Variants in CCDC51 observed in about 807,000 individuals in gnomAD.
CCDC51 encodes coiled-coil domain containing 51.
In CCDC51, 25 loss-of-function variants were observed where a neutral mutation model predicts 24.8. The ratio of observed to expected loss-of-function variants is 1.01; its 90% confidence interval spans 0.73 to 1.41. CCDC51 has a LOEUF of 1.41. Ranked by LOEUF, CCDC51 falls within the 40% of genes most tolerant of loss-of-function variation. The probability of loss-of-function intolerance (pLI) is 0.00; values close to 1 mark genes in which losing one functional copy is unlikely to be tolerated. For synonymous variants in CCDC51, 190 were observed against 204.3 expected, an observed-to-expected ratio of 0.93 and a Z score of 0.60; for missense variants, 466 against 519.1, an observed-to-expected ratio of 0.90 and a Z score of 0.99.
At chr3:48,440,496 C>T (rs780409707), upstream of CCDC51, 3 of 1,598,042 alleles carry the variant, frequency 1.9e-6, no homozygotes, top group Non-Finnish European at 2.6e-6. Flanking sequence ...GGTGCGGGGG[C>T]GCTGGGAGAC....
upstream of CCDC51, chr3:48,443,853 G>C (rs375127083): frequency 4.5e-6 from 7 of 1,559,810 alleles, no homozygotes; most frequent in Non-Finnish European, 6.0e-6. Flanking sequence ...TGCAGCCACA[G>C]GTGGAATTAA....
At chr3:48,443,492 C>T (rs572667628), upstream of CCDC51, among the ~76,000 whole-genome samples, 30 of 151,766 alleles carry the variant, frequency 2.0e-4, no homozygotes, top group Non-Finnish European at 3.8e-4. Context: ...TGAGATCGTG[C>T]CACTGCACTG....
Position 48,432,413 on chromosome 3 carries a change from T to C in CCDC51, c.1231A>G (p.Ser411Gly). The change falls in exon 4 of 4, where the codon AGC becomes GGC. Residue 411 changes from serine (S) to glycine (G), a missense_variant. Ser to Gly is a moderately conservative substitution (Grantham distance 56, BLOSUM62 0). Transcript: ENST00000395694. Reference sequence around the variant, plus strand: ...TCTGGAGGAGGGGCCAGGGGTTAGCTGGCTTTGAATAGCATGTAGAGCACA... The same window carrying C: ...TCTGGAGGAGGGGCCAGGGGTTAGCCGGCTTTGAATAGCATGTAGAGCACA... The part of the protein sequence containing the change: ...LPVLYMLFKA[S>G] The C allele has an allele frequency of 1.2e-6, 2 of 1,613,944 alleles. No individual in the cohort carries two copies. The highest frequency in any genetic ancestry group is 1.1e-5 in the South Asian group (1 of 91,088).
upstream of CCDC51, chr3:48,440,330 G>A (rs938660578): frequency 1.2e-6 from 2 of 1,611,682 alleles, no homozygotes; most frequent in Non-Finnish European, 1.7e-6. Context: ...TTCCGGAACC[G>A]TGAGGACTGC....
At chr3:48,440,695 G>C, upstream of CCDC51, 1 of 1,442,608 alleles carries the variant, frequency 6.9e-7, no homozygotes, top group Non-Finnish European at 9.6e-7. Flanking sequence ...ATGAGGGCGC[G>C]GGCATGTCTT....
At chr3:48,446,284 C>G in the CCDC51 span, 2 of 152,368 alleles carry the variant, frequency 1.3e-5, no homozygotes, top group Non-Finnish European at 2.9e-5. Context: ...GTGAAACATT[C>G]ACTAAACCCG....
At position 48,433,255 on chromosome 3, in the gene CCDC51, C is replaced by A; in HGVS notation, c.478-89G>T. 1 of 1,279,376 alleles carries A rather than the reference C, an allele frequency of 7.8e-7. No homozygotes were observed. Among genetic ancestry groups the A allele is most frequent in the Admixed American group, 2.0e-5 (1 of 51,098 alleles). 79.3% of individuals were successfully genotyped at this position (1,279,376 alleles called of 1,614,324 possible). A position where few individuals can be genotyped will look rare whatever the true frequency, so the allele number is the denominator to read the frequency against. On this transcript the variant is annotated intron_variant, in intron 3 of 3. Transcript: ENST00000395694. The surrounding 1 kb of genome is among the most constrained non-coding windows in gnomAD (Gnocchi z 4.4). ...CCAGCAGATGGCTCACTACCTTGTG[C>A]CTGGCAGAGTACATGTTCCATAGAC...
chr3:48,445,708 CA>C, the CCDC51 span, among the ~76,000 whole-genome samples: 1 of 152,194 alleles, frequency 6.6e-6, no homozygotes, highest in African/African-American at 2.4e-5. Context: ...GCCCTGATAG[CA>C]CTCTCTTTTT....
At position 48,432,727 on chromosome 3, in the gene CCDC51, T is replaced by A. The variant is rs768954376; in HGVS notation, c.917A>T (p.Gln306Leu). 1.9e-6 allele frequency: 3 copies of A among 1,614,214 alleles called. No homozygotes were observed. Among genetic ancestry groups the A allele is most frequent in the Admixed American group, 1.7e-5 (1 of 60,028 alleles). The change falls in exon 4 of 4, where the codon CAG (glutamine) becomes CTG (leucine). Residue 306 changes from glutamine (Q) to leucine (L), a missense_variant. Gln to Leu is a moderately radical substitution (Grantham distance 113). Coordinates refer to ENST00000395694, the MANE Select transcript of CCDC51 (RefSeq NM_001256964.2). ...ATGGACTTGCCTGGAATGACTAAGC[T>A]GCTCTTTCAAGGCAGCTGAAAGGAC... The part of the protein sequence containing the change: ...VDVLSAALKE[Q>L]LSHSRQVHSC...
At chr3:48,444,003 T>C (rs2039623668), upstream of CCDC51, 1 of 719,106 alleles carries the variant, frequency 1.4e-6, no homozygotes, top group South Asian at 4.7e-5. Flanking sequence ...CTTGGAGCTG[T>C]TGTACATTTA....
In CCDC51 at chr3:48,438,480, C is replaced by T. The variant is rs148798797; in HGVS notation, c.-9+1508G>A. On this transcript the variant is annotated intron_variant, in intron 1 of 3. Coordinates refer to ENST00000395694, the MANE Select transcript of CCDC51 (RefSeq NM_001256964.2). ...CCTCCCAAACCTTTTTTTCCCATAG[C>T]CTTCTCCATCATGGATGACAGCAAT... is the stretch of plus-strand genomic sequence containing the variant. Among the ~76,000 whole-genome samples the T allele has an allele frequency of 5.4e-3, 821 of 152,160 alleles. 5 individuals carry two copies. Among genetic ancestry groups the T allele is most frequent in the African/African-American group, 0.019 (775 of 41,504 alleles).
upstream of CCDC51, chr3:48,440,466 C>T (rs1430355848): frequency 1.9e-6 from 3 of 1,611,660 alleles, no homozygotes; most frequent in Admixed American, 5.0e-5. Flanking sequence ...GAGGTGAGGG[C>T]GGGCGCGGAG....
At position 48,440,031 on chromosome 3, in the gene CCDC51, T is replaced by A. The variant is rs1377643424; in HGVS notation, c.-52A>T. ...GCACGGCCACAGGCCTGGTAGGCCG[T>A]CCGGTTAAGTACCCCTCCTACGGTT... On this transcript the variant is annotated 5_prime_UTR_variant, in exon 1 of 4. Coordinates refer to ENST00000395694, the MANE Select transcript of CCDC51 (RefSeq NM_001256964.2). 2 of 542,626 alleles carry A rather than the reference T, an allele frequency of 3.7e-6. No homozygotes were observed. Among genetic ancestry groups the A allele is most frequent in the Non-Finnish European group, 6.3e-6 (2 of 315,538 alleles). The allele number at this position is 542,626 out of a possible 1,614,324, so 33.6% of individuals were successfully genotyped here.
rs1273088397 is a variant in CCDC51, at chr3:48,432,428, T to A, written c.1216A>T (p.Met406Leu). ...TFVATLPVLYMLFKAS is the reference protein window; with the variant it reads ...TFVATLPVLYLLFKAS The stretch of plus-strand genomic sequence containing the variant: ...AGGGGTTAGCTGGCTTTGAATAGCA[T>A]GTAGAGCACAGGCAGTGTGGCCACA... Residue 406 changes from methionine (M) to leucine (L), a missense_variant, in exon 4 of 4, where the codon ATG becomes TTG. Transcript: ENST00000395694. 1 of 1,614,238 alleles carries A rather than the reference T, an allele frequency of 6.2e-7. No homozygotes were observed. The highest frequency in any genetic ancestry group is 1.1e-5 in the South Asian group (1 of 91,088).
Position 48,439,265 on chromosome 3 carries a change from C to T in CCDC51, c.-9+723G>A, listed in dbSNP as rs117735968. On this transcript the variant is annotated intron_variant, in intron 1 of 3. Transcript: ENST00000395694. The stretch of plus-strand genomic sequence containing the variant: ...CTTGGTACCTACATATAGTACGTAC[C>T]CAGCAAAAAATGTACTCATCTGCCT... 1.0e-3 allele frequency among the ~76,000 whole-genome samples: 154 copies of T among 152,208 alleles called. 1 individual carries two copies. In the East Asian group the frequency reaches 0.027, roughly 26 times the overall value.
At chr3:48,441,755 T>C (rs943755805), upstream of CCDC51, among the ~76,000 whole-genome samples, 3 of 152,234 alleles carry the variant, frequency 2.0e-5, no homozygotes, top group African/African-American at 4.8e-5. Context: ...ATCCAACTAG[T>C]GATTATTTCC....
chr3:48,432,302 A>G lies in CCDC51; in HGVS notation c.*106T>C. The G allele has an allele frequency of 7.5e-7, 1 of 1,338,984 alleles. No homozygotes were observed. The highest frequency in any genetic ancestry group is 1.0e-6 in the Non-Finnish European group (1 of 966,962). The allele number at this position is 1,338,984 out of a possible 1,614,324, so 82.9% of individuals were successfully genotyped here. A position where few individuals can be genotyped will look rare whatever the true frequency, so the allele number is the denominator to read the frequency against. On this transcript the variant is annotated 3_prime_UTR_variant, in exon 4 of 4. Coordinates refer to ENST00000395694, the MANE Select transcript of CCDC51 (RefSeq NM_001256964.2). ...AGCCACACAGATACTGCTCCTTCAG[A>G]TTGAGGTTGTACATGCCCCCAAAGG...
At chr3:48,441,263 C>G (rs573656877), upstream of CCDC51, among the ~76,000 whole-genome samples, 1 of 152,168 alleles carries the variant, frequency 6.6e-6, no homozygotes, top group Admixed American at 6.5e-5. Flanking sequence ...CCAGGCTGGT[C>G]TTGAACTCCT....
upstream of CCDC51, chr3:48,443,739 T>C (rs2039619373): frequency 1.0e-5 from 8 of 767,370 alleles, no homozygotes; most frequent in Non-Finnish European, 1.6e-5. Context: ...TGTGTTAAAG[T>C]GAATGCCCAA....
Sources: allele counts gnomAD v4.1 joint callset (sites outside exome capture counted in the v4.1 genomes callset), GRCh38; gene constraint gnomAD v4.1.1; non-coding constraint Gnocchi (gnomAD v3.1); transcripts MANE v1.5; gene names NCBI Gene and HGNC (gene_info 2026-07-23, HGNC 2026-07-21).